RABGAP1L: variants seen among roughly 807,000 people sequenced by gnomAD.
RABGAP1L encodes RAB GTPase activating protein 1 like.
Under a neutral mutation model 137.7 loss-of-function variants are expected in RABGAP1L, and 63 were observed. The observed-to-expected ratio is 0.46, with a 90% CI of 0.37 to 0.56. The LOEUF is 0.56. Ranked by LOEUF, RABGAP1L falls within the 20% of genes least tolerant of loss-of-function variation. The probability of loss-of-function intolerance (pLI) is 0.00; values close to 1 mark genes in which losing one functional copy is unlikely to be tolerated. For missense variants in RABGAP1L, 1,095 were observed against 1,244.0 expected (o/e 0.88, Z 1.80); for synonymous variants, 431 against 433.7 (o/e 0.99, Z 0.08).
At chr1:174,861,316 A>G (rs1650227913) in intron 19 of RABGAP1L, among the ~76,000 whole-genome samples, 1 of 152,172 alleles carries the variant, frequency 6.6e-6, no homozygotes, top group African/African-American at 2.4e-5. Flanking sequence ...ATATCTATAA[A>G]TGTAAATATA....
intron 19 of RABGAP1L, among the ~76,000 whole-genome samples, chr1:174,820,683 C>A (rs958353931): frequency 6.6e-6 from 1 of 152,106 alleles, no homozygotes; most frequent in Non-Finnish European, 1.5e-5. Flanking sequence ...TAAAAAGCAT[C>A]TTTTTCTCAA....
intron 13 of RABGAP1L, among the ~76,000 whole-genome samples, chr1:174,466,236 C>T (rs914911589): frequency 3.3e-5 from 5 of 152,148 alleles, no homozygotes; most frequent in Non-Finnish European, 5.9e-5. Context: ...TTAATGTGAT[C>T]TTTTTCTAAT....
intron 13 of RABGAP1L, among the ~76,000 whole-genome samples, chr1:174,630,153 G>A (rs1443928400): frequency 2.7e-5 from 4 of 150,010 alleles, no homozygotes; most frequent in East Asian, 1.9e-4. Context: ...TGAGATAATC[G>A]TGGTTTTTGT....
At chr1:174,792,511 C>G (rs1287534254) in intron 18 of RABGAP1L, among the ~76,000 whole-genome samples, 1 of 152,082 alleles carries the variant, frequency 6.6e-6, no homozygotes, top group Non-Finnish European at 1.5e-5. Flanking sequence ...TGAGGTGACT[C>G]TTATAGGAAG....
At chr1:174,882,823 A>G (rs1472237368) in intron 19 of RABGAP1L, among the ~76,000 whole-genome samples, 1 of 151,970 alleles carries the variant, frequency 6.6e-6, no homozygotes, top group East Asian at 1.9e-4. Flanking sequence ...CTAGCAGAAC[A>G]TAAGAGCTTT....
chr1:174,585,218 GTTGTA>G (rs1266176197), intron 13 of RABGAP1L, among the ~76,000 whole-genome samples: 1 of 151,978 alleles, frequency 6.6e-6, no homozygotes, highest in Admixed American at 6.6e-5. Context: ...TGCATTTGTG[GTTGTA>G]TTGTATTTCT....
At chr1:174,303,580 A>G (rs2148765483) in intron 10 of RABGAP1L, among the ~76,000 whole-genome samples, 1 of 152,318 alleles carries the variant, frequency 6.6e-6, no homozygotes, top group African/African-American at 2.4e-5. Flanking sequence ...GAATGCTAAT[A>G]TGAACCAGGC....
intron 19 of RABGAP1L, among the ~76,000 whole-genome samples, chr1:174,918,126 A>C (rs986574852): frequency 6.9e-6 from 1 of 144,032 alleles, no homozygotes; most frequent in Non-Finnish European, 1.5e-5. Flanking sequence ...ATTTAGAACT[A>C]TTATGAAGTA....
At position 174,595,858 on chromosome 1, in the gene RABGAP1L, C is replaced by T. The variant is rs1043739211; in HGVS notation, c.1711-41517C>T. Among the ~76,000 whole-genome samples, 7 of 105,064 alleles carry T rather than the reference C, an allele frequency of 6.7e-5. 1 individual carries two copies. Among genetic ancestry groups the T allele is most frequent in the Non-Finnish European group, 1.3e-4 (7 of 55,024 alleles). 68.9% of individuals were successfully genotyped at this position (105,064 alleles called of 152,430 possible). A position where few individuals can be genotyped will look rare whatever the true frequency, so the allele number is the denominator to read the frequency against. ...GTGGAGCCTACAGAGGCAGGCAGGC[C>T]TCCTTGAGCTGTGGTGGGCTCCACC... On this transcript the variant is annotated intron_variant, in intron 13 of 25. Transcript: ENST00000681986.
intron 11 of RABGAP1L, among the ~76,000 whole-genome samples, chr1:174,360,570 T>TTA (rs966686213): frequency 2.8e-4 from 43 of 152,262 alleles, no homozygotes; most frequent in African/African-American, 1.0e-3. Flanking sequence ...AACATTATAG[T>TTA]AAACTAATAT....
intron 13 of RABGAP1L, among the ~76,000 whole-genome samples, chr1:174,453,896 A>G (rs917142166): frequency 1.3e-5 from 2 of 152,078 alleles, no homozygotes; most frequent in East Asian, 1.9e-4. Context: ...CTTCATGACT[A>G]TTTTGTTTTA....
At chr1:174,836,983 A>C (rs1282991956) in intron 19 of RABGAP1L, among the ~76,000 whole-genome samples, 1 of 152,178 alleles carries the variant, frequency 6.6e-6, no homozygotes, top group Non-Finnish European at 1.5e-5. Flanking sequence ...AAGGTGGGCA[A>C]ATCACCTGAG....
At chr1:174,351,809 T>C (rs1036296827) in intron 11 of RABGAP1L, among the ~76,000 whole-genome samples, 1 of 152,090 alleles carries the variant, frequency 6.6e-6, no homozygotes, top group Non-Finnish European at 1.5e-5. Flanking sequence ...TTGTTTTGTT[T>C]TGTTTTGTTT....
chr1:174,164,927 C>CA (rs1664780750), intron 1 of RABGAP1L, among the ~76,000 whole-genome samples: 1 of 152,192 alleles, frequency 6.6e-6, no homozygotes, highest in African/African-American at 2.4e-5. Context: ...GCTCTGGACT[C>CA]AATCTGGAGT....
At chr1:174,614,960 A>T (rs960706022) in intron 13 of RABGAP1L, among the ~76,000 whole-genome samples, 3 of 152,108 alleles carry the variant, frequency 2.0e-5, no homozygotes, top group African/African-American at 7.2e-5. Context: ...TATATTGGTT[A>T]TTCTAGTTAT....
chr1:174,711,468 G>T (rs1680512301), intron 17 of RABGAP1L, among the ~76,000 whole-genome samples: 1 of 152,106 alleles, frequency 6.6e-6, no homozygotes, highest in Admixed American at 6.5e-5. Context: ...GTGGGCGCGG[G>T]CTTGGCGGAC....
rs1399434698 is a variant in RABGAP1L, at chr1:174,994,083, T to C, written c.*4082T>C. On this transcript the variant is annotated 3_prime_UTR_variant, in exon 26 of 26. Coordinates refer to ENST00000681986, the MANE Select transcript of RABGAP1L (RefSeq NM_001366446.1). ...CAACCAGATATAAAACTCTTTCTCGTCGCCATGCTGATAGTCACACTGAAC... is the reference window on the plus strand; with the variant it reads ...CAACCAGATATAAAACTCTTTCTCGCCGCCATGCTGATAGTCACACTGAAC... The C allele has an allele frequency of 6.6e-6, 1 of 152,250 alleles. No individual in the cohort carries two copies. Among genetic ancestry groups the C allele is most frequent in the African/African-American group, 2.4e-5 (1 of 41,462 alleles). 9.4% of individuals were successfully genotyped at this position (152,250 alleles called of 1,614,324 possible).
At chr1:174,427,093 G>A (rs1216199073) in intron 13 of RABGAP1L, among the ~76,000 whole-genome samples, 3 of 151,656 alleles carry the variant, frequency 2.0e-5, no homozygotes, top group Admixed American at 6.6e-5. Context: ...TTTAACCTCT[G>A]TGATATAAAC....
At chr1:174,334,791 A>G (rs1681329695) in intron 11 of RABGAP1L, among the ~76,000 whole-genome samples, 1 of 152,214 alleles carries the variant, frequency 6.6e-6, no homozygotes, top group South Asian at 2.1e-4. Context: ...TGAATGAATG[A>G]ATAGCAATAA....
Sources: gnomAD v4.1 joint callset for allele counts (sites outside exome capture counted in the v4.1 genomes callset) on GRCh38, gnomAD v4.1.1 for gene constraint, MANE v1.5 for transcripts, NCBI Gene and HGNC (gene_info 2026-07-23, HGNC 2026-07-21) for gene names.